Variants in DYNC1LI2 observed in about 807,000 individuals in gnomAD.
DYNC1LI2 encodes the protein cytoplasmic dynein 1 light intermediate chain 2.
Under a neutral mutation model 57.8 loss-of-function variants are expected in DYNC1LI2, and 19 were observed. That is an observed-to-expected ratio of 0.33 (90% CI 0.23 to 0.48). The LOEUF (loss-of-function observed/expected upper bound fraction) is 0.48. Ranked by LOEUF, DYNC1LI2 falls within the 20% of genes least tolerant of loss-of-function variation. The pLI, the probability that DYNC1LI2 is intolerant of heterozygous loss-of-function variation, is 0.99. For synonymous variants in DYNC1LI2, 256 were observed against 233.4 expected (o/e 1.10, Z -0.88); for missense variants, 470 against 604.2 (o/e 0.78, Z 2.33).
intron 9 of DYNC1LI2, among the ~76,000 whole-genome samples, 158 bp downstream of exon 9, chr16:66,728,882 T>C (rs1332066223): frequency 6.6e-6 from 1 of 152,120 alleles, no homozygotes; most frequent in Non-Finnish European, 1.5e-5. Context: ...CCCCAACTAA[T>C]CCTAGAAATA....
chr16:66,732,241 GAC>G (rs2017650176), intron 7 of DYNC1LI2, 96 bp downstream of exon 7: 4 of 1,430,354 alleles, frequency 2.8e-6, no homozygotes, highest in Non-Finnish European at 3.7e-6. Context: ...GGCTGTAGAA[GAC>G]ACAGACAGAA....
intron 4 of DYNC1LI2, among the ~76,000 whole-genome samples, chr16:66,741,274 G>T (rs773460824): frequency 6.6e-6 from 1 of 152,160 alleles, no homozygotes; most frequent in Non-Finnish European, 1.5e-5. Context: ...TTCAGACTCA[G>T]AACTATTCAG....
At position 66,736,187 on chromosome 16, in the gene DYNC1LI2, T is replaced by C; in HGVS notation, c.587A>G (p.Gln196Arg). The change falls in exon 5 of 13, where the codon CAG becomes CGG. Residue 196 changes from glutamine to arginine, a missense_variant. Coordinates refer to ENST00000258198, the MANE Select transcript of DYNC1LI2 (RefSeq NM_006141.3). Reference protein sequence around the residue: ...EPEEGCQGSPQRRGPLTSGSD... With the variant: ...EPEEGCQGSPRRRGPLTSGSD... ...GCCTGAGGTCAGAGGGCCTCTTCTC[T>C]GTGGGGAACCTTGACAACCTTCTTC... 6.2e-7 allele frequency: 1 copy of C among 1,614,142 alleles called. No homozygotes were observed.
chr16:66,737,301 AAAAC>A (rs891010496), intron 4 of DYNC1LI2, among the ~76,000 whole-genome samples: 8 of 152,028 alleles, frequency 5.3e-5, no homozygotes, highest in Admixed American at 1.3e-4. Context: ...ACAAAAAACA[AAAAC>A]AAACAAAAAA....
intron 4 of DYNC1LI2, chr16:66,738,903 ACACACAC>A (rs2017788549): frequency 6.8e-6 from 1 of 147,078 alleles, no homozygotes; most frequent in Non-Finnish European, 1.5e-5. Flanking sequence ...ACACACACAC[ACACACAC>A]ACACACACAC....
At chr16:66,737,981 C>T (rs1173841387) in intron 4 of DYNC1LI2, among the ~76,000 whole-genome samples, 1 of 152,198 alleles carries the variant, frequency 6.6e-6, no homozygotes, top group Non-Finnish European at 1.5e-5. Flanking sequence ...AGGCCTTTTA[C>T]TCTCACCAAC....
chr16:66,732,076 C>T (rs2017646609), intron 7 of DYNC1LI2: 3 of 401,964 alleles, frequency 7.5e-6, no homozygotes, highest in African/African-American at 6.1e-5. Context: ...AGTATTTTAC[C>T]AGAGTTGACA....
chr16:66,724,283 A>G (rs771267999), intron 12 of DYNC1LI2, among the ~76,000 whole-genome samples: 1 of 152,226 alleles, frequency 6.6e-6, no homozygotes, highest in Admixed American at 6.5e-5. Flanking sequence ...TTCAATAAGA[A>G]TAAGATAGTT....
At chr16:66,741,897 CA>C (rs66527903) in intron 4 of DYNC1LI2, among the ~76,000 whole-genome samples, 42,567 of 106,816 alleles carry the variant, frequency 0.4, 5,424 homozygotes, top group Admixed American at 0.45. Flanking sequence ...ATGTTAATTA[CA>C]AAAAAAAAAA....
chr16:66,750,238 C>T (rs1234679485), intron 2 of DYNC1LI2, among the ~76,000 whole-genome samples: 1 of 152,152 alleles, frequency 6.6e-6, no homozygotes, highest in East Asian at 1.9e-4. Context: ...TCTAAGGGTC[C>T]GGTATTACCT....
intron 12 of DYNC1LI2, among the ~76,000 whole-genome samples, chr16:66,725,087 T>C (rs1032917215): frequency 2.1e-4 from 32 of 151,312 alleles, no homozygotes; most frequent in Non-Finnish European, 4.0e-4. Flanking sequence ...GGCAAGAGAA[T>C]TGCTTGAACC....
intron 3 of DYNC1LI2, among the ~76,000 whole-genome samples, chr16:66,744,254 ATTGCCC>A (rs967232726): frequency 3.3e-5 from 5 of 151,820 alleles, no homozygotes; most frequent in African/African-American, 1.2e-4. Flanking sequence ...GTCTCCTGAT[ATTGCCC>A]AAGCTGGTCT....
At chr16:66,741,280 T>C (rs1471269564) in intron 4 of DYNC1LI2, among the ~76,000 whole-genome samples, 1 of 152,302 alleles carries the variant, frequency 6.6e-6, no homozygotes, top group East Asian at 1.9e-4. Flanking sequence ...CTCAGAACTA[T>C]TCAGAGAAGT....
Position 66,751,025 on chromosome 16 carries a change from G to A in DYNC1LI2, c.181+248C>T, listed in dbSNP as rs902516758. Among the ~76,000 whole-genome samples the A allele has an allele frequency of 3.9e-5, 6 of 152,190 alleles. No individual in the cohort carries two copies. Among genetic ancestry groups the A allele is most frequent in the Non-Finnish European group, 8.8e-5 (6 of 68,034 alleles). ...TAACCGTCGAGGCAATGAAGGCATA[G>A]AGGGCCAAGTGACTGAAACAATATG... is the stretch of plus-strand genomic sequence containing the variant. On this transcript the variant is annotated intron_variant, in intron 2 of 12. Transcript: ENST00000258198. This position sits in a 1 kb window ranked among gnomAD's most constrained non-coding sequence, Gnocchi z 5.2.
chr16:66,740,117 TA>T (rs2144995354), intron 4 of DYNC1LI2, among the ~76,000 whole-genome samples: 1 of 152,022 alleles, frequency 6.6e-6, no homozygotes, highest in East Asian at 1.9e-4. Context: ...AAGACTAAAG[TA>T]CAAAAAAGCG....
chr16:66,745,207 A>G (rs533571945), intron 3 of DYNC1LI2, among the ~76,000 whole-genome samples: 73 of 149,806 alleles, frequency 4.9e-4, no homozygotes, highest in African/African-American at 1.7e-3. Flanking sequence ...CGGCAGAACT[A>G]TGTTTTATAA....
intron 5 of DYNC1LI2, among the ~76,000 whole-genome samples, chr16:66,735,153 G>A (rs1396988806): frequency 6.8e-6 from 1 of 147,234 alleles, no homozygotes; most frequent in African/African-American, 2.5e-5. Flanking sequence ...ATCCCGGATG[G>A]AGTGCAGTGG....
Position 66,736,170 on chromosome 16 carries a change from T to A in DYNC1LI2, c.604A>T (p.Thr202Ser), listed in dbSNP as rs748496932. 4 of 1,614,004 alleles carry A rather than the reference T, an allele frequency of 2.5e-6. No individual in the cohort carries two copies. Among genetic ancestry groups the A allele is most frequent in the Non-Finnish European group, 3.4e-6 (4 of 1,180,010 alleles). The part of the protein sequence containing the change: ...QGSPQRRGPL[T>S]SGSDEENVAL... Reference sequence around the variant, plus strand: ...ACATTTTCTTCATCGGAGCCTGAGGTCAGAGGGCCTCTTCTCTGTGGGGAA... The same window carrying A: ...ACATTTTCTTCATCGGAGCCTGAGGACAGAGGGCCTCTTCTCTGTGGGGAA... The change falls in exon 5 of 13, where the codon ACC (threonine) becomes TCC (serine). Residue 202 changes from threonine (T) to serine (S), a missense_variant. Thr to Ser is a moderately conservative substitution (Grantham distance 58, BLOSUM62 1). Coordinates refer to ENST00000258198, the MANE Select transcript of DYNC1LI2 (RefSeq NM_006141.3).
rs2017498788 is a variant in DYNC1LI2, at chr16:66,724,248, A to G, written c.1379-426T>C. 2.0e-5 allele frequency among the ~76,000 whole-genome samples: 3 copies of G among 152,218 alleles called. No homozygotes were observed. In the South Asian group the frequency reaches 6.2e-4, roughly 32 times the overall value. ...GTTTATAACATTCTAGACTGACTCA[A>G]ATGGATAGCCTGAAAACATTATGTT... On this transcript the variant is annotated intron_variant, in intron 12 of 12. Coordinates refer to ENST00000258198, the MANE Select transcript of DYNC1LI2 (RefSeq NM_006141.3).
Sources: allele counts gnomAD v4.1 joint callset (sites outside exome capture counted in the v4.1 genomes callset), GRCh38; gene constraint gnomAD v4.1.1; non-coding constraint Gnocchi (gnomAD v3.1); transcripts MANE v1.5; gene names NCBI Gene and HGNC (gene_info 2026-07-23, HGNC 2026-07-21).